The following LONP2 variants were observed in gnomAD, a reference collection of about 807,000 sequenced individuals.
LONP2 encodes the protein lon protease homolog 2, peroxisomal.
LONP2 carries 60 observed loss-of-function variants against 85.6 expected under a neutral mutation model. The ratio of observed to expected loss-of-function variants is 0.70; its 90% CI spans 0.57 to 0.87. The LOEUF (loss-of-function observed/expected upper bound fraction) is 0.87, where lower values mean the gene tolerates loss of function less well. Among genes scored for constraint, LONP2 ranks in the 40% least tolerant of loss-of-function variants. LONP2 has a pLI of 0.00. For synonymous variants in LONP2, 395 were observed against 389.7 expected, an observed-to-expected ratio of 1.01 and a Z score of -0.16; for missense variants, 860 against 1,063.5, an observed-to-expected ratio of 0.81 and a Z score of 2.66.
chr16:48,353,066 G>T lies in LONP2; in HGVS notation c.*1264G>T, dbSNP rs1960200485. On this transcript the variant is annotated 3_prime_UTR_variant, in exon 15 of 15. Transcript: ENST00000285737. ...GAAATCCAAGTAATACTACCTAATT[G>T]TTACTGTGGAGATTAAGTTCAAATG... is the stretch of plus-strand genomic sequence containing the variant. The T allele has an allele frequency of 6.6e-6, 1 of 152,132 alleles. No individual in the cohort carries two copies. Among genetic ancestry groups the T allele is most frequent in the Admixed American group, 6.5e-5 (1 of 15,280 alleles). The allele number at this position is 152,132 out of a possible 1,614,324, so 9.4% of individuals were successfully genotyped here.
intron 2 of LONP2, among the ~76,000 whole-genome samples, chr16:48,256,106 A>G (rs952544628): frequency 3.3e-5 from 5 of 152,244 alleles, no homozygotes; most frequent in African/African-American, 9.6e-5. Flanking sequence ...CTTAAGAACA[A>G]GGGTCCTTAA....
chr16:48,262,223 T>C (rs1971892838), intron 5 of LONP2, among the ~76,000 whole-genome samples: 1 of 152,200 alleles, frequency 6.6e-6, no homozygotes, highest in African/African-American at 2.4e-5. Context: ...GCATTTGTTA[T>C]TAAATATATG....
At position 48,328,222 on chromosome 16, in the gene LONP2, C is replaced by T. The variant is rs140187066; in HGVS notation, c.1796-5994C>T. On this transcript the variant is annotated intron_variant, in intron 11 of 14. Transcript: ENST00000285737. Reference sequence around the variant, plus strand: ...GCCAGGAGTTCAAGACCAACCTGGCCAACATAGTGAAACCCCGTCTCTACT... The same window carrying T: ...GCCAGGAGTTCAAGACCAACCTGGCTAACATAGTGAAACCCCGTCTCTACT... 4.0e-3 allele frequency among the ~76,000 whole-genome samples: 614 copies of T among 152,138 alleles called. 24 individuals carry two copies. In the East Asian group the frequency reaches 0.086, roughly 21 times the overall value.
chr16:48,347,614 G>A lies in LONP2; in HGVS notation c.2046G>A (p.Gln682=). ...VEASRMDGEG[Q]LTLTGQLGDV... ...CGAGTCGAATGGATGGCGAGGGCCA[G>A]TTAACTCTGACCGGCCAGCTCGGGG... The change falls in exon 13 of 15, where the codon CAG becomes CAA. Residue 682 remains glutamine, a synonymous_variant. Transcript: ENST00000285737. The A allele has an allele frequency of 1.2e-6, 2 of 1,614,256 alleles. No homozygotes were observed. The highest frequency in any genetic ancestry group is 2.2e-5 in the South Asian group (2 of 91,086).
At chr16:48,349,289 G>A (rs1477909058) in intron 14 of LONP2, among the ~76,000 whole-genome samples, 1 of 150,906 alleles carries the variant, frequency 6.6e-6, no homozygotes, top group African/African-American at 2.4e-5. Context: ...TTTTTCTATC[G>A]AGATGGAGTC....
rs1242302603 is a variant in LONP2 at position 48,362,604 on chromosome 16, T to A, written c.*741T>A. 3.1e-6 allele frequency: 2 copies of A among 649,854 alleles called. No homozygotes were observed. The highest frequency in any genetic ancestry group is 5.3e-6 in the Non-Finnish European group (2 of 377,468). 40.3% of individuals were successfully genotyped at this position (649,854 alleles called of 1,614,324 possible). On this transcript the variant is annotated 3_prime_UTR_variant, in exon 5 of 5. Coordinates refer to the LONP2 transcript ENST00000565867. This position sits in a 1 kb window ranked among gnomAD's most constrained non-coding sequence, Gnocchi z 4.2. ...TAAAAAAATAAAATTACACTGAATG[T>A]GCACTTTATTAGGATCTGTACACTG...
chr16:48,326,921 T>C (rs527997386), intron 11 of LONP2, among the ~76,000 whole-genome samples: 2 of 152,356 alleles, frequency 1.3e-5, no homozygotes, highest in Non-Finnish European at 2.9e-5. Flanking sequence ...GTTGACTGTG[T>C]CCAAGTGATA....
chr16:48,335,723 C>T (rs1959626115), intron 12 of LONP2, among the ~76,000 whole-genome samples: 1 of 152,106 alleles, frequency 6.6e-6, no homozygotes, highest in Admixed American at 6.6e-5. Flanking sequence ...GAAATAGCCC[C>T]CAAGCCTGTC....
At chr16:48,321,417 C>G (rs1403633090) in intron 11 of LONP2, among the ~76,000 whole-genome samples, 1 of 152,146 alleles carries the variant, frequency 6.6e-6, no homozygotes, top group Non-Finnish European at 1.5e-5. Context: ...TTGTCTGGTA[C>G]TAAAGATGGA....
chr16:48,307,690 A>T (rs1408257191), intron 11 of LONP2, among the ~76,000 whole-genome samples: 1 of 152,228 alleles, frequency 6.6e-6, no homozygotes, highest in Admixed American at 6.5e-5. Flanking sequence ...GTCACCTGAA[A>T]AATTGGTTAG....
chr16:48,274,907 T>G (rs1227403916), intron 7 of LONP2, among the ~76,000 whole-genome samples: 2 of 152,192 alleles, frequency 1.3e-5, no homozygotes, highest in African/African-American at 4.8e-5. Flanking sequence ...CAGTTTGCAT[T>G]ATAGCCTGCG....
At chr16:48,260,365 G>GGAA (rs1448321392) in intron 4 of LONP2, among the ~76,000 whole-genome samples, 1 of 152,220 alleles carries the variant, frequency 6.6e-6, no homozygotes, top group African/African-American at 2.4e-5. Context: ...GGGAGGCCAA[G>GGAA]GAAGGAGAAT....
At chr16:48,338,950 A>C (rs1299713044) in intron 12 of LONP2, among the ~76,000 whole-genome samples, 2 of 152,184 alleles carry the variant, frequency 1.3e-5, no homozygotes, top group African/African-American at 2.4e-5. Context: ...GAGGCATAGA[A>C]GTAGAGACAT....
chr16:48,288,695 AAGGG>A (rs1197729416), intron 8 of LONP2, among the ~76,000 whole-genome samples: 1 of 151,912 alleles, frequency 6.6e-6, no homozygotes, highest in Non-Finnish European at 1.5e-5. Context: ...TTCCTCTTAT[AAGGG>A]TACCAATTGT....
downstream of LONP2, among the ~76,000 whole-genome samples, chr16:48,358,729 G>A (rs1023046898): frequency 4.6e-5 from 7 of 152,162 alleles, no homozygotes; most frequent in African/African-American, 7.2e-5. Context: ...GATGAGATGG[G>A]AGGATCACTT....
At chr16:48,295,215 T>TA (rs1972642363) in intron 8 of LONP2, among the ~76,000 whole-genome samples, 1 of 152,122 alleles carries the variant, frequency 6.6e-6, no homozygotes, top group African/African-American at 2.4e-5. Context: ...CTACTAAAAA[T>TA]ACAAAAGTTA....
intron 11 of LONP2, among the ~76,000 whole-genome samples, chr16:48,331,853 C>T (rs1457130648): frequency 6.6e-6 from 1 of 152,216 alleles, no homozygotes; most frequent in Non-Finnish European, 1.5e-5. Flanking sequence ...CGTGAGCCAC[C>T]ACGCCTGGCC....
rs1303963141 is a variant in LONP2 at position 48,355,824 on chromosome 16, T to C, written c.*4022T>C. ...TATCAAAATAAGCTGGATTTTTTTA[T>C]TGAAAATTATTAACTCTAGAAATTT... On this transcript the variant is annotated 3_prime_UTR_variant, in exon 15 of 15. Coordinates refer to ENST00000285737, the MANE Select transcript of LONP2 (RefSeq NM_031490.5). 6.6e-6 allele frequency: 1 copy of C among 152,262 alleles called. No homozygotes were observed. Among genetic ancestry groups the C allele is most frequent in the African/African-American group, 2.4e-5 (1 of 41,470 alleles). 9.4% of individuals were successfully genotyped at this position (152,262 alleles called of 1,614,324 possible). A position where few individuals can be genotyped will look rare whatever the true frequency, so the allele number is the denominator to read the frequency against.
At chr16:48,361,543 GT>G (rs1228433714), downstream of LONP2, 1 of 1,599,840 alleles carries the variant, frequency 6.3e-7, no homozygotes, top group Non-Finnish European at 8.5e-7. Flanking sequence ...TGAAACTGAA[GT>G]TTTAAACACT....
Sources: allele counts gnomAD v4.1 joint callset (sites outside exome capture counted in the v4.1 genomes callset), GRCh38; gene constraint gnomAD v4.1.1; non-coding constraint Gnocchi (gnomAD v3.1); transcripts MANE v1.5; gene names NCBI Gene and HGNC (gene_info 2026-07-23, HGNC 2026-07-21).